The following PTPRD variants were observed in gnomAD, a reference collection of about 807,000 sequenced individuals.
The protein encoded by PTPRD is receptor-type tyrosine-protein phosphatase delta.
Under a neutral mutation model 214.5 loss-of-function variants are expected in PTPRD, and 34 were observed. The ratio of observed to expected loss-of-function variants is 0.16; its 90% CI spans 0.12 to 0.21. PTPRD has a LOEUF of 0.21. PTPRD is among the 10% of genes least tolerant of loss of function. The pLI is 1.00. For synonymous variants in PTPRD, 1,128 were observed against 845.7 expected (o/e 1.33, Z -5.79); for missense variants, 2,545 against 2,398.7 (o/e 1.06, Z -1.27).
chr9:8,611,788 GGGAGA>G (rs2095458308), intron 14 of PTPRD, among the ~76,000 whole-genome samples: 2 of 123,376 alleles, frequency 1.6e-5, no homozygotes, highest in Non-Finnish European at 1.7e-5. Context: ...GGGAGGGGAG[GGGAGA>G]GAAAAGAAAA....
intron 11 of PTPRD, among the ~76,000 whole-genome samples, chr9:8,851,297 C>T (rs1347546332): frequency 1.3e-5 from 2 of 151,882 alleles, no homozygotes; most frequent in Admixed American, 6.6e-5. Context: ...ATCAAATATC[C>T]CCAGGAATAT....
chr9:9,636,583 A>T (rs1054297305), intron 7 of PTPRD, among the ~76,000 whole-genome samples: 2 of 152,206 alleles, frequency 1.3e-5, no homozygotes, highest in Admixed American at 6.5e-5. Flanking sequence ...CACATCTATG[A>T]TAGACACTAA....
intron 8 of PTPRD, among the ~76,000 whole-genome samples, chr9:9,399,314 G>T (rs555004204): frequency 1.3e-5 from 2 of 152,106 alleles, no homozygotes; most frequent in East Asian, 1.9e-4. Flanking sequence ...GAATGTGATA[G>T]TTCAACGTTC....
chr9:9,872,884 T>G (rs1308464581), intron 5 of PTPRD, among the ~76,000 whole-genome samples: 2 of 152,144 alleles, frequency 1.3e-5, no homozygotes, highest in South Asian at 2.1e-4. Flanking sequence ...ACAGCCTATA[T>G]TCAATCATAT....
chr9:8,573,076 A>G (rs1372254403), intron 14 of PTPRD, among the ~76,000 whole-genome samples: 1 of 151,988 alleles, frequency 6.6e-6, no homozygotes, highest in Non-Finnish European at 1.5e-5. Flanking sequence ...TGAATCCTCA[A>G]TTTAAACTCC....
chr9:8,834,074 C>G (rs1291475769), intron 11 of PTPRD, among the ~76,000 whole-genome samples: 1 of 152,026 alleles, frequency 6.6e-6, no homozygotes, highest in African/African-American at 2.4e-5. Context: ...ACTCTCATTT[C>G]CAGAAGGAAT....
intron 3 of PTPRD, among the ~76,000 whole-genome samples, chr9:10,097,157 G>A (rs1443723113): frequency 2.8e-5 from 4 of 143,654 alleles, no homozygotes; most frequent in East Asian, 4.1e-4. Context: ...AGTATAGTTT[G>A]AAGTCAGGTA....
At position 10,011,584 on chromosome 9, in the gene PTPRD, AC is replaced by A. The variant is rs2096601085; in HGVS notation, c.-472+22133del. 3.3e-5 allele frequency among the ~76,000 whole-genome samples: 5 copies of A among 152,094 alleles called. No homozygotes were observed. In the South Asian group the frequency reaches 1.0e-3, roughly 31 times the overall value. ...CATAATGCCTTCCCTGCTGATAAATACCCAGTGCAAGATTGGCTTAGATAAT... is the reference window on the plus strand; with the variant it reads ...CATAATGCCTTCCCTGCTGATAAATACCAGTGCAAGATTGGCTTAGATAAT... On this transcript the variant is annotated intron_variant, in intron 4 of 45. Coordinates refer to ENST00000381196, the MANE Select transcript of PTPRD (RefSeq NM_002839.4).
At chr9:9,840,209 T>G (rs1489145429) in intron 5 of PTPRD, among the ~76,000 whole-genome samples, 1 of 151,974 alleles carries the variant, frequency 6.6e-6, no homozygotes, top group Non-Finnish European at 1.5e-5. Flanking sequence ...AGCTAATTTT[T>G]GCATTTTTTG....
At chr9:8,359,083 G>A (rs1210173548) in intron 39 of PTPRD, among the ~76,000 whole-genome samples, 5 of 106,386 alleles carry the variant, frequency 4.7e-5, no homozygotes, top group Non-Finnish European at 8.6e-5. Context: ...ACTCCCACCT[G>A]GGCCACAGAG....
intron 7 of PTPRD, among the ~76,000 whole-genome samples, chr9:9,671,747 G>C (rs1450323518): frequency 6.6e-6 from 1 of 152,146 alleles, no homozygotes; most frequent in African/African-American, 2.4e-5. Context: ...CCACCGCCAT[G>C]TCAGAAGTGC....
At chr9:9,936,377 T>TACAAGAA (rs1226278556) in intron 5 of PTPRD, among the ~76,000 whole-genome samples, 18 of 151,498 alleles carry the variant, frequency 1.2e-4, no homozygotes, top group Non-Finnish European at 2.7e-4. Context: ...CAAACAAATT[T>TACAAGAA]ACAAGAAAAA....
intron 11 of PTPRD, among the ~76,000 whole-genome samples, chr9:8,769,266 C>T (rs2095012749): frequency 6.6e-6 from 1 of 152,172 alleles, no homozygotes; most frequent in Non-Finnish European, 1.5e-5. Context: ...TATTTACTCA[C>T]TCACTATTTA....
At chr9:10,359,828 A>G (rs2154466016) in intron 2 of PTPRD, among the ~76,000 whole-genome samples, 1 of 152,302 alleles carries the variant, frequency 6.6e-6, no homozygotes, top group Non-Finnish European at 1.5e-5. Flanking sequence ...CTGAATGGAT[A>G]ATGATATGGT....
chr9:9,277,063 C>G (rs905418285), intron 9 of PTPRD, among the ~76,000 whole-genome samples: 2 of 151,408 alleles, frequency 1.3e-5, no homozygotes, highest in African/African-American at 4.8e-5. Flanking sequence ...TTTTACCTCA[C>G]TTGTCAAGCT....
In PTPRD at chr9:9,277,153, A is replaced by G. The variant is rs138360646; in HGVS notation, c.-202-93790T>C. The stretch of plus-strand genomic sequence containing the variant: ...ATACTTTATATTTTTATTTGTACCT[A>G]TAACAATGCCAGGCTTAAAATAAGG... On this transcript the variant is annotated intron_variant, in intron 9 of 45. Coordinates refer to ENST00000381196, the MANE Select transcript of PTPRD (RefSeq NM_002839.4). 3.6e-3 allele frequency among the ~76,000 whole-genome samples: 542 copies of G among 151,484 alleles called. 3 individuals carry two copies. The highest frequency in any genetic ancestry group is 0.013 in the African/African-American group (529 of 41,438).
intron 9 of PTPRD, among the ~76,000 whole-genome samples, chr9:9,266,206 T>C (rs1939555817): frequency 6.6e-6 from 1 of 151,404 alleles, no homozygotes; most frequent in Non-Finnish European, 1.5e-5. Flanking sequence ...TAAACGTGTG[T>C]ATGTGTGTGT....
chr9:9,023,865 ATTTAC>A (rs942834207), intron 10 of PTPRD, among the ~76,000 whole-genome samples: 3 of 151,770 alleles, frequency 2.0e-5, no homozygotes, highest in Admixed American at 6.6e-5. Context: ...TAATCTTACA[ATTTAC>A]TTTCTTTTCT....
intron 34 of PTPRD, among the ~76,000 whole-genome samples, chr9:8,447,862 G>A (rs2095796180): frequency 6.6e-6 from 1 of 152,150 alleles, no homozygotes; most frequent in Non-Finnish European, 1.5e-5. Flanking sequence ...GCAAGGTACT[G>A]AGAAATCTGA....
Sources: allele counts gnomAD v4.1 joint callset (sites outside exome capture counted in the v4.1 genomes callset), GRCh38; gene constraint gnomAD v4.1.1; transcripts MANE v1.5; gene names NCBI Gene and HGNC (gene_info 2026-07-23, HGNC 2026-07-21).